CCDC77: variants seen among roughly 807,000 people sequenced by gnomAD.
CCDC77 encodes coiled-coil domain-containing protein 77.
In CCDC77, 56 loss-of-function variants were observed where a neutral mutation model predicts 66.8. The observed-to-expected ratio is 0.84, with a 90% CI of 0.68 to 1.05. The LOEUF is 1.05. Among genes scored for constraint, CCDC77 ranks in the 50% least tolerant of loss-of-function variants. The pLI, the probability that CCDC77 is intolerant of heterozygous loss-of-function variation, is 0.00. For missense variants in CCDC77, 570 were observed against 576.8 expected, an observed-to-expected ratio of 0.99 and a Z score of 0.12; for synonymous variants, 196 against 195.2, an observed-to-expected ratio of 1.00 and a Z score of -0.03.
At position 411,920 on chromosome 12, in the gene CCDC77, C is replaced by CAG; in HGVS notation, c.214_215dup (p.Asn73LysfsTer6). The CAG allele has an allele frequency of 1.2e-6, 2 of 1,613,954 alleles. No homozygotes were observed. The highest frequency in any genetic ancestry group is 1.7e-6 in the Non-Finnish European group (2 of 1,179,994). ...CAAAAGAAGATGGCTGAGTGTGAGGCAGAAAATGAGGACTTGCTGAAGAAA... is the reference window on the plus strand; with the variant it reads ...CAAAAGAAGATGGCTGAGTGTGAGGCAGAGAAAATGAGGACTTGCTGAAGAAA... On this transcript the variant is annotated frameshift_variant, in exon 4 of 13. Transcript: ENST00000239830. LOFTEE classifies it high-confidence loss of function.
chr12:412,073 T>C, intron 4 of CCDC77, 95 bp downstream of exon 4: 1 of 914,174 alleles, frequency 1.1e-6, no homozygotes, highest in South Asian at 1.7e-5. Flanking sequence ...AGCAGATGTT[T>C]TATAAAAATA....
intron 8 of CCDC77, among the ~76,000 whole-genome samples, 185 bp from the exon 9 acceptor site, chr12:432,989 G>A (rs1172135905): frequency 2.0e-5 from 3 of 152,104 alleles, no homozygotes; most frequent in Non-Finnish European, 4.4e-5. Context: ...CTATGATCAC[G>A]CCCACTGCAC....
At chr12:406,433 G>A (rs1223915521) in intron 2 of CCDC77, among the ~76,000 whole-genome samples, 1 of 152,210 alleles carries the variant, frequency 6.6e-6, no homozygotes, top group Non-Finnish European at 1.5e-5. Flanking sequence ...CAGCCAAGAG[G>A]CCGGTGTTTT....
chr12:390,061 C>A (rs998194773), intron 1 of CCDC77: 1 of 135,240 alleles, frequency 7.4e-6, no homozygotes, highest in African/African-American at 2.8e-5. Context: ...TTTAATTGTT[C>A]ACTGTTTCTT....
chr12:441,413 T>C (rs1007427308), intron 12 of CCDC77, among the ~76,000 whole-genome samples: 1 of 152,190 alleles, frequency 6.6e-6, no homozygotes, highest in Admixed American at 6.5e-5. Context: ...ACAAGGTTAG[T>C]TGCAGAAAAG....
upstream of CCDC77, among the ~76,000 whole-genome samples, chr12:396,967 C>T (rs1380193739): frequency 2.6e-5 from 4 of 152,170 alleles, no homozygotes; most frequent in South Asian, 2.1e-4. Context: ...AGTGCAACAG[C>T]GTGATCTCAG....
chr12:389,423 G>A, exon 1 of CCDC77: 2 of 496,532 alleles, frequency 4.0e-6, no homozygotes, highest in East Asian at 3.6e-5. Flanking sequence ...GCACAGTGTG[G>A]CTGTTTGTCT....
intron 9 of CCDC77, among the ~76,000 whole-genome samples, chr12:434,353 CTTT>C (rs537288173): frequency 7.3e-6 from 1 of 137,266 alleles, no homozygotes; most frequent in Non-Finnish European, 1.6e-5. Flanking sequence ...ACTTTTCTTT[CTTT>C]TTTTTTTTTT....
intron 3 of CCDC77, among the ~76,000 whole-genome samples, chr12:411,180 G>GTTTTTT (rs5795916): frequency 6.9e-6 from 1 of 145,742 alleles, no homozygotes. Flanking sequence ...CTTTCAATTT[G>GTTTTTT]TTTTTTTTTT....
chr12:394,475 C>A (rs7138958), intron 1 of CCDC77, among the ~76,000 whole-genome samples: 2 of 152,018 alleles, frequency 1.3e-5, no homozygotes. Context: ...GAGGGACCAG[C>A]GTTTTACCCA....
At chr12:416,373 GTGTGTATATATA>G (rs1565569122) in intron 4 of CCDC77, among the ~76,000 whole-genome samples, 5 of 25,294 alleles carry the variant, frequency 2.0e-4, no homozygotes, top group South Asian at 2.4e-3. Context: ...GTGTGTGTGT[GTGTGTATATATA>G]TATATATATA....
chr12:416,388 T>C (rs866620636), intron 4 of CCDC77, among the ~76,000 whole-genome samples: 10 of 38,260 alleles, frequency 2.6e-4, no homozygotes, highest in African/African-American at 6.6e-4. Flanking sequence ...TATATATATA[T>C]ATATATATAT....
intron 4 of CCDC77, among the ~76,000 whole-genome samples, chr12:414,084 T>G (rs1304488737): frequency 2.0e-5 from 3 of 151,182 alleles, no homozygotes; most frequent in Non-Finnish European, 4.4e-5. Flanking sequence ...TTTTCTTCCT[T>G]TCTTGATTTC....
chr12:442,087 G>C lies in CCDC77; in HGVS notation c.*167G>C. The stretch of plus-strand genomic sequence containing the variant: ...GGGGACCACTAGGAAAGCTTTTCTT[G>C]CATACTCAGCTTGCTTTATCATTTT... On this transcript the variant is annotated 3_prime_UTR_variant, in exon 13 of 13. Coordinates refer to ENST00000239830, the MANE Select transcript of CCDC77 (RefSeq NM_032358.4). The C allele has an allele frequency of 1.4e-6, 1 of 691,000 alleles. No individual in the cohort carries two copies. The highest frequency in any genetic ancestry group is 2.4e-6 in the Non-Finnish European group (1 of 410,118). The allele number at this position is 691,000 out of a possible 1,614,324, so 42.8% of individuals were successfully genotyped here.
intron 9 of CCDC77, among the ~76,000 whole-genome samples, chr12:436,115 CTTTTT>C (rs1181059309): frequency 9.4e-6 from 1 of 106,174 alleles, no homozygotes; most frequent in Non-Finnish European, 1.8e-5. Context: ...GATCCTTTGT[CTTTTT>C]TTTTTTTTTT....
At chr12:410,254 CTG>C (rs985861562) in intron 3 of CCDC77, among the ~76,000 whole-genome samples, 5 of 138,580 alleles carry the variant, frequency 3.6e-5, no homozygotes, top group African/African-American at 1.3e-4. Context: ...TTCTCTTCTT[CTG>C]TACTATTTTT....
upstream of CCDC77, among the ~76,000 whole-genome samples, chr12:400,063 A>G (rs1017971765): frequency 2.0e-5 from 3 of 152,260 alleles, no homozygotes; most frequent in African/African-American, 7.2e-5. Flanking sequence ...CGGCATCTAC[A>G]TCAGCACTTG....
At chr12:422,485 A>G (rs1258934200) in intron 5 of CCDC77, among the ~76,000 whole-genome samples, 1 of 152,204 alleles carries the variant, frequency 6.6e-6, no homozygotes, top group Non-Finnish European at 1.5e-5. Flanking sequence ...GTCTCCATGA[A>G]TTTGACGATT....
chr12:440,018 G>C (rs1354861457), intron 10 of CCDC77, among the ~76,000 whole-genome samples: 4 of 152,106 alleles, frequency 2.6e-5, no homozygotes, highest in African/African-American at 4.8e-5. Context: ...AGGCCCTGGA[G>C]TATGTTCAAG....
Sources: allele counts gnomAD v4.1 joint callset (sites outside exome capture counted in the v4.1 genomes callset), GRCh38; gene constraint gnomAD v4.1.1; transcripts MANE v1.5; gene names NCBI Gene and HGNC (gene_info 2026-07-23, HGNC 2026-07-21).